ERC1: variants seen among roughly 807,000 people sequenced by gnomAD.
ERC1 encodes the protein RAB6 interacting protein 2.
In ERC1, 56 loss-of-function variants were observed where a neutral mutation model predicts 132.0. The observed-to-expected ratio is 0.42, with a 90% CI of 0.34 to 0.53. The LOEUF is 0.53. Among genes scored for constraint, ERC1 ranks in the 20% least tolerant of loss-of-function variants. ERC1 has a pLI of 0.03. For missense variants in ERC1, 1,202 were observed against 1,349.9 expected (o/e 0.89, Z 1.72); for synonymous variants, 478 against 476.1 (o/e 1.00, Z -0.05).
intron 2 of ERC1, among the ~76,000 whole-genome samples, chr12:1,041,572 C>T (rs1214408177): frequency 1.3e-5 from 2 of 152,194 alleles, no homozygotes; most frequent in Admixed American, 6.5e-5. Context: ...GGGTCTTCTG[C>T]CTCTTGTAAG....
At chr12:1,138,188 T>TGTATA (rs531800506) in intron 7 of ERC1, among the ~76,000 whole-genome samples, 1 of 112,976 alleles carries the variant, frequency 8.9e-6, no homozygotes, top group African/African-American at 4.5e-5. Flanking sequence ...ATATATATCA[T>TGTATA]ATATAATTAT....
chr12:1,485,424 T>C (rs545168390), intron 18 of ERC1, among the ~76,000 whole-genome samples: 25 of 151,940 alleles, frequency 1.6e-4, no homozygotes, highest in South Asian at 6.2e-4. Context: ...AGGCTGGTCT[T>C]GAACTCCTGA....
intron 12 of ERC1, among the ~76,000 whole-genome samples, chr12:1,227,275 C>T (rs1166145419): frequency 6.6e-6 from 1 of 152,214 alleles, no homozygotes; most frequent in Non-Finnish European, 1.5e-5. Flanking sequence ...CTTTTCTCCA[C>T]ATCCTTGCCA....
chr12:1,302,181 T>C (rs1362890553), intron 15 of ERC1, among the ~76,000 whole-genome samples: 1 of 152,180 alleles, frequency 6.6e-6, no homozygotes, highest in Non-Finnish European at 1.5e-5. Flanking sequence ...TTCTAGAATG[T>C]AAGGTTTGTT....
intron 13 of ERC1, among the ~76,000 whole-genome samples, chr12:1,247,642 A>G (rs529758773): frequency 1.4e-4 from 21 of 152,230 alleles, no homozygotes; most frequent in Non-Finnish European, 2.5e-4. Context: ...TCCTGAATTT[A>G]GGAATGCAGA....
intron 15 of ERC1, among the ~76,000 whole-genome samples, chr12:1,300,957 A>G (rs2080347901): frequency 6.6e-6 from 1 of 152,242 alleles, no homozygotes; most frequent in Non-Finnish European, 1.5e-5. Context: ...GTATGTACCC[A>G]AAGGAATATC....
intron 2 of ERC1, among the ~76,000 whole-genome samples, chr12:1,079,811 TAC>T (rs1318473124): frequency 3.4e-5 from 5 of 148,378 alleles, no homozygotes; most frequent in African/African-American, 1.2e-4. Flanking sequence ...AAAGTCGATA[TAC>T]AGAGATACAG....
chr12:1,425,838 A>G (rs1673068721), intron 17 of ERC1, among the ~76,000 whole-genome samples: 1 of 152,234 alleles, frequency 6.6e-6, no homozygotes, highest in African/African-American at 2.4e-5. Flanking sequence ...ACTTAAAGTA[A>G]TAGAAAAAGC....
chr12:1,463,818 GC>G, intron 18 of ERC1, among the ~76,000 whole-genome samples: 1 of 151,808 alleles, frequency 6.6e-6, no homozygotes, highest in African/African-American at 2.4e-5. Flanking sequence ...TTCTGTGACA[GC>G]TGCCATTAAC....
chr12:1,359,779 T>A (rs1429580291), intron 15 of ERC1, among the ~76,000 whole-genome samples: 1 of 152,218 alleles, frequency 6.6e-6, no homozygotes, highest in Non-Finnish European at 1.5e-5. Flanking sequence ...TGTTATAATG[T>A]TTCACCGTAA....
At chr12:1,388,344 T>C (rs1323730488) in intron 16 of ERC1, among the ~76,000 whole-genome samples, 1 of 53,062 alleles carries the variant, frequency 1.9e-5, no homozygotes, top group Non-Finnish European at 3.4e-5. Context: ...AGACTCTGTC[T>C]CAAAAAAAAA....
At chr12:1,490,054 ATTG>A (rs1379449714) in intron 18 of ERC1, 36 bp from the exon 19 acceptor site, 30 of 1,602,624 alleles carry the variant, frequency 1.9e-5, no homozygotes, top group Non-Finnish European at 2.6e-5. Context: ...TGCAAATGGG[ATTG>A]TTGTATCTGA....
At chr12:1,371,774 A>G in intron 15 of ERC1, 59 bp from the exon 16 acceptor site, 1 of 1,562,824 alleles carries the variant, frequency 6.4e-7, no homozygotes, top group Admixed American at 1.9e-5. Flanking sequence ...GGTAATAGTA[A>G]CTCCAAAGAA....
intron 17 of ERC1, among the ~76,000 whole-genome samples, chr12:1,418,629 T>TCTC (rs2092268529): frequency 9.8e-6 from 1 of 101,880 alleles, no homozygotes; most frequent in Non-Finnish European, 1.9e-5. Flanking sequence ...CTTTCTTTCT[T>TCTC]TCTTTCTTTC....
intron 3 of ERC1, among the ~76,000 whole-genome samples, chr12:1,101,845 C>T (rs1256608751): frequency 6.6e-6 from 1 of 152,164 alleles, no homozygotes; most frequent in Non-Finnish European, 1.5e-5. Context: ...GGTTGTTCAC[C>T]AAACAAGAGC....
intron 17 of ERC1, among the ~76,000 whole-genome samples, chr12:1,437,363 C>T (rs1167644267): frequency 6.6e-6 from 1 of 152,160 alleles, no homozygotes; most frequent in Non-Finnish European, 1.5e-5. Context: ...ACATGTTCAC[C>T]CACCTGGTGG....
rs906587072 is a variant in ERC1 at position 1,409,871 on chromosome 12, G to C, written c.3024+1624G>C. On this transcript the variant is annotated intron_variant, in intron 17 of 18. Transcript: ENST00000360905. ...TTACAGGCACCTGCCACCATGCCTG[G>C]CTAATGTTTGTATTTTAGTTAGAGA... Among the ~76,000 whole-genome samples, 8 of 152,154 alleles carry C rather than the reference G, an allele frequency of 5.3e-5. 1 individual carries two copies. Among genetic ancestry groups the C allele is most frequent in the Admixed American group, 5.2e-4 (8 of 15,280 alleles).
intron 17 of ERC1, among the ~76,000 whole-genome samples, chr12:1,421,656 G>A (rs1228596359): frequency 2.0e-5 from 3 of 152,044 alleles, no homozygotes; most frequent in African/African-American, 4.8e-5. Flanking sequence ...AGGAGTAATT[G>A]GGGAAGTTAC....
intron 15 of ERC1, among the ~76,000 whole-genome samples, chr12:1,298,264 A>G (rs2080118617): frequency 1.3e-5 from 2 of 152,252 alleles, no homozygotes; most frequent in African/African-American, 4.8e-5. Context: ...AAGAGCGGCC[A>G]GGCACCATGG....
Sources: allele counts gnomAD v4.1 joint callset (sites outside exome capture counted in the v4.1 genomes callset), GRCh38; gene constraint gnomAD v4.1.1; transcripts MANE v1.5; gene names NCBI Gene and HGNC (gene_info 2026-07-23, HGNC 2026-07-21).